Variants in RAVER2 observed in about 807,000 individuals in gnomAD.
RAVER2 encodes the protein ribonucleoprotein, PTB binding 2, also known as ribonucleoprotein PTB-binding 2.
Under a neutral mutation model 78.1 loss-of-function variants are expected in RAVER2, and 46 were observed. The observed-to-expected ratio is 0.59, with a 90% CI of 0.46 to 0.75. The LOEUF (loss-of-function observed/expected upper bound fraction) is 0.75, where lower values mean the gene tolerates loss of function less well. Ranked by LOEUF, RAVER2 falls within the 30% of genes least tolerant of loss-of-function variation. The pLI, the probability that RAVER2 is intolerant of heterozygous loss-of-function variation, is 0.00. For synonymous variants in RAVER2, 311 were observed against 313.3 expected (o/e 0.99, Z 0.08); for missense variants, 793 against 837.5 (o/e 0.95, Z 0.66).
At chr1:64,772,417 A>T (rs1005535922) in intron 2 of RAVER2, among the ~76,000 whole-genome samples, 2 of 152,190 alleles carry the variant, frequency 1.3e-5, no homozygotes, top group Non-Finnish European at 2.9e-5. Context: ...TTATTCATTC[A>T]TCTAACACAA....
intron 1 of RAVER2, among the ~76,000 whole-genome samples, chr1:64,752,526 T>A (rs926798526): frequency 2.6e-5 from 4 of 152,226 alleles, no homozygotes; most frequent in African/African-American, 9.6e-5. Context: ...GGGCCCTGAT[T>A]CTGTTGCCTA....
chr1:64,819,955 T>TA (rs1653844421), intron 11 of RAVER2, among the ~76,000 whole-genome samples: 1 of 152,118 alleles, frequency 6.6e-6, no homozygotes, highest in South Asian at 2.1e-4. Context: ...TGCAGGTGAC[T>TA]AAAAAAGACT....
chr1:64,814,977 C>T, intron 11 of RAVER2, 137 bp downstream of exon 11: 3 of 727,678 alleles, frequency 4.1e-6, no homozygotes, highest in Non-Finnish European at 5.8e-6. Flanking sequence ...ATTTCTTACT[C>T]ATCATTTGAA....
intron 2 of RAVER2, among the ~76,000 whole-genome samples, chr1:64,777,047 T>C (rs1432741839): frequency 6.6e-6 from 1 of 152,168 alleles, no homozygotes; most frequent in Non-Finnish European, 1.5e-5. Flanking sequence ...AAAGTGTCTG[T>C]GTGTTATGTC....
intron 5 of RAVER2, among the ~76,000 whole-genome samples, chr1:64,792,748 A>C (rs1652979026): frequency 6.6e-6 from 1 of 152,202 alleles, no homozygotes; most frequent in Non-Finnish European, 1.5e-5. Flanking sequence ...AATGTGTGGA[A>C]AGTTTCTTGA....
At chr1:64,748,440 T>C (rs565449908) in intron 1 of RAVER2, among the ~76,000 whole-genome samples, 2 of 152,226 alleles carry the variant, frequency 1.3e-5, no homozygotes, top group African/African-American at 2.4e-5. Flanking sequence ...CATGTCACTC[T>C]CCTGCTCATA....
At chr1:64,787,273 A>G (rs1229789688) in intron 4 of RAVER2, among the ~76,000 whole-genome samples, 1 of 152,040 alleles carries the variant, frequency 6.6e-6, no homozygotes, top group African/African-American at 2.4e-5. Context: ...TTTCTTTTGA[A>G]TGTATGAATA....
intron 11 of RAVER2, among the ~76,000 whole-genome samples, chr1:64,818,793 G>T (rs1653815937): frequency 6.6e-6 from 1 of 152,114 alleles, no homozygotes; most frequent in African/African-American, 2.4e-5. Context: ...AGTGAAGGGG[G>T]GACATCGTGG....
exon 12 of RAVER2, chr1:64,833,093 GT>G (rs372138106): frequency 7.7e-5 from 13 of 168,258 alleles, no homozygotes; most frequent in East Asian, 4.0e-4. Context: ...ATCAAGTGGT[GT>G]TTGTTTGTTT....
exon 10 of RAVER2, chr1:64,812,841 G>C (rs1029868922): frequency 6.3e-6 from 10 of 1,598,024 alleles, no homozygotes; most frequent in Non-Finnish European, 8.5e-6. Context: ...CCCAGTGTGT[G>C]CTTATCATGT....
chr1:64,797,726 G>T (rs896191079), intron 5 of RAVER2, among the ~76,000 whole-genome samples: 19 of 151,882 alleles, frequency 1.3e-4, no homozygotes, highest in Admixed American at 7.2e-4. Flanking sequence ...TATTAAAGTA[G>T]CCACCAGCTT....
intron 9 of RAVER2, among the ~76,000 whole-genome samples, chr1:64,807,948 G>A (rs184498982): frequency 1.6e-4 from 25 of 152,242 alleles, no homozygotes; most frequent in Admixed American, 1.1e-3. Context: ...ATTCGCTTAC[G>A]TAGTAATGTT....
At chr1:64,773,416 T>C (rs1463726816) in intron 2 of RAVER2, among the ~76,000 whole-genome samples, 1 of 152,082 alleles carries the variant, frequency 6.6e-6, no homozygotes, top group Non-Finnish European at 1.5e-5. Flanking sequence ...CTCCCACTTA[T>C]CAGTGAGAAC....
At chr1:64,790,742 A>AC (rs1238712157) in intron 5 of RAVER2, among the ~76,000 whole-genome samples, 4 of 152,348 alleles carry the variant, frequency 2.6e-5, no homozygotes, top group Non-Finnish European at 5.9e-5. Context: ...ATAAGGGGGA[A>AC]CTAATGTATT....
At chr1:64,751,638 C>T (rs1433305836) in intron 1 of RAVER2, among the ~76,000 whole-genome samples, 1 of 152,150 alleles carries the variant, frequency 6.6e-6, no homozygotes, top group African/African-American at 2.4e-5. Flanking sequence ...AGTGCAGTGG[C>T]TATTCACACA....
Position 64,745,493 on chromosome 1 carries a change from C to T in RAVER2, c.249+72C>T. On this transcript the variant is annotated intron_variant, in intron 1 of 11. Transcript: ENST00000294428. The surrounding 1 kb of genome is among the most constrained non-coding windows in gnomAD (Gnocchi z 4.3). ...CGGCGCTCCGTGTCCAGGCTGGGAT[C>T]GGGGGCGCCTCAGAGCGGTCCTGGG... is the stretch of plus-strand genomic sequence containing the variant. The T allele has an allele frequency of 6.9e-7, 1 of 1,441,514 alleles. No individual in the cohort carries two copies. The highest frequency in any genetic ancestry group is 9.2e-7 in the Non-Finnish European group (1 of 1,082,768). 89.3% of individuals were successfully genotyped at this position (1,441,514 alleles called of 1,614,324 possible).
At chr1:64,779,805 A>G (rs1477970455) in intron 3 of RAVER2, among the ~76,000 whole-genome samples, 1 of 151,648 alleles carries the variant, frequency 6.6e-6, no homozygotes, top group Non-Finnish European at 1.5e-5. Flanking sequence ...AAGAGCCCTT[A>G]GAGATTATCT....
In RAVER2 at chr1:64,805,023, GGTACTTCA is replaced by G; in HGVS notation, c.1331_1338del (p.Val444AspfsTer24). On this transcript the variant is annotated frameshift_variant, in exon 8 of 12. Transcript: ENST00000294428. LOFTEE classifies it high-confidence loss of function. ...GCTTACTTGGAGAGCCCCCAGCTGTGGTACTTCAGACTGCACTAGGGATAGGGTCAGTG... is the reference window on the plus strand; with the variant it reads ...GCTTACTTGGAGAGCCCCCAGCTGTGGACTGCACTAGGGATAGGGTCAGTG... The G allele has an allele frequency of 6.2e-7, 1 of 1,613,860 alleles. No individual in the cohort carries two copies. The highest frequency in any genetic ancestry group is 8.5e-7 in the Non-Finnish European group (1 of 1,179,940).
intron 5 of RAVER2, among the ~76,000 whole-genome samples, chr1:64,802,032 C>T (rs892905876): frequency 1.3e-4 from 20 of 152,204 alleles, no homozygotes; most frequent in Admixed American, 3.9e-4. Flanking sequence ...ATTCCCAGAA[C>T]TGAGGGTTCC....
Sources: allele counts gnomAD v4.1 joint callset (sites outside exome capture counted in the v4.1 genomes callset), GRCh38; gene constraint gnomAD v4.1.1; non-coding constraint Gnocchi (gnomAD v3.1); transcripts MANE v1.5; gene names NCBI Gene and HGNC (gene_info 2026-07-23, HGNC 2026-07-21).